Variants in MAP7 observed in about 807,000 individuals in gnomAD.
MAP7 encodes ensconsin.
In MAP7, 52 loss-of-function variants were observed where a neutral mutation model predicts 94.8. The observed-to-expected ratio is 0.55, with a 90% CI of 0.44 to 0.69. The LOEUF is 0.69. Ranked by LOEUF, MAP7 falls within the 30% of genes least tolerant of loss-of-function variation. The pLI, the probability that MAP7 is intolerant of heterozygous loss-of-function variation, is 0.00. For missense variants in MAP7, 940 were observed against 964.6 expected, an observed-to-expected ratio of 0.97 and a Z score of 0.34; for synonymous variants, 350 against 357.0, an observed-to-expected ratio of 0.98 and a Z score of 0.22.
chr6:136,465,255 C>T (rs566837257), intron 1 of MAP7, among the ~76,000 whole-genome samples: 1 of 152,200 alleles, frequency 6.6e-6, no homozygotes, highest in Non-Finnish European at 1.5e-5. Context: ...AGCCACTTAT[C>T]TAGGAGTTTT....
intron 6 of MAP7, among the ~76,000 whole-genome samples, chr6:136,382,253 T>C (rs1459566642): frequency 6.6e-6 from 1 of 152,198 alleles, no homozygotes; most frequent in African/African-American, 2.4e-5. Flanking sequence ...GCCAAGTTTG[T>C]TGTCTAGCTC....
At chr6:136,441,045 A>G (rs1183635643) in intron 1 of MAP7, among the ~76,000 whole-genome samples, 1 of 152,236 alleles carries the variant, frequency 6.6e-6, no homozygotes, top group South Asian at 2.1e-4. Context: ...AAAGCTCAAT[A>G]CCATTCCATT....
At chr6:136,431,529 A>T (rs12191845) in intron 1 of MAP7, among the ~76,000 whole-genome samples, 1 of 34,010 alleles carries the variant, frequency 2.9e-5, no homozygotes, top group African/African-American at 9.9e-5. Flanking sequence ...TATTTATTTA[A>T]TTTTTTGAGA....
At chr6:136,442,232 G>A (rs1382903160) in intron 1 of MAP7, among the ~76,000 whole-genome samples, 1 of 150,596 alleles carries the variant, frequency 6.6e-6, no homozygotes, top group Non-Finnish European at 1.5e-5. Flanking sequence ...GTGAAACCCC[G>A]TCACTACTAA....
intron 1 of MAP7, among the ~76,000 whole-genome samples, chr6:136,465,355 CTA>C (rs1806644965): frequency 6.6e-6 from 1 of 152,182 alleles, no homozygotes; most frequent in African/African-American, 2.4e-5. Flanking sequence ...TGAGTAACCT[CTA>C]TTTCATCTGA....
chr6:136,494,160 T>C (rs1817539331), intron 1 of MAP7, among the ~76,000 whole-genome samples: 1 of 152,220 alleles, frequency 6.6e-6, no homozygotes. Context: ...TGCTGAGTTG[T>C]GTGCCTTCAG....
rs1450888633 is a variant in MAP7 at position 136,397,288 on chromosome 6, C to CA, written c.245-7772dup. ...AATACTTTAATACCCGGCCCTTCCA[C>CA]AAAAAGTTTTTTTTTAAAGGGAAAA... On this transcript the variant is annotated intron_variant, in intron 3 of 17. Coordinates refer to ENST00000354570, the MANE Select transcript of MAP7 (RefSeq NM_003980.6). 4.7e-5 allele frequency among the ~76,000 whole-genome samples: 7 copies of CA among 150,490 alleles called. No homozygotes were observed. The East Asian group carries it at 1.2e-3, about 25-fold the overall frequency.
At chr6:136,368,403 G>C (rs1015526620) in intron 8 of MAP7, among the ~76,000 whole-genome samples, 2 of 152,084 alleles carry the variant, frequency 1.3e-5, no homozygotes, top group African/African-American at 4.8e-5. Context: ...AATGGTCTGG[G>C]CAACATATCA....
chr6:136,526,005 A>G lies in MAP7; in HGVS notation c.67+24337T>C, dbSNP rs538016998. ...TTTTTTTTTTTTTAATTGTGATTATATTAAAAATATATGCTTATGTAATTG... is the reference window on the plus strand; with the variant it reads ...TTTTTTTTTTTTTAATTGTGATTATGTTAAAAATATATGCTTATGTAATTG... On this transcript the variant is annotated intron_variant, in intron 1 of 17. Transcript: ENST00000354570. 1.8e-5 allele frequency: 27 copies of G among 1,485,344 alleles called. No homozygotes were observed. The Admixed American group carries it at 6.4e-4, about 35-fold the overall frequency. 92.0% of individuals were successfully genotyped at this position (1,485,344 alleles called of 1,614,324 possible).
At chr6:136,480,866 A>T (rs891516083) in intron 1 of MAP7, among the ~76,000 whole-genome samples, 1 of 152,108 alleles carries the variant, frequency 6.6e-6, no homozygotes, top group African/African-American at 2.4e-5. Flanking sequence ...TTTGCAAACT[A>T]TCTATTTGAC....
chr6:136,518,427 T>C (rs1472153789), intron 1 of MAP7, among the ~76,000 whole-genome samples: 3 of 152,186 alleles, frequency 2.0e-5, no homozygotes. Flanking sequence ...TGTCAAATAA[T>C]GCTCTGGTAA....
intron 1 of MAP7, among the ~76,000 whole-genome samples, chr6:136,492,432 A>G (rs1816902553): frequency 6.6e-6 from 1 of 152,244 alleles, no homozygotes; most frequent in Non-Finnish European, 1.5e-5. Context: ...ATGAATGAAA[A>G]GGAAAACTTT....
At chr6:136,411,338 C>T (rs1331528693) in intron 3 of MAP7, among the ~76,000 whole-genome samples, 2 of 152,142 alleles carry the variant, frequency 1.3e-5, no homozygotes, top group Admixed American at 1.3e-4. Flanking sequence ...GTTTACTGTC[C>T]TCGCATTTTC....
intron 1 of MAP7, among the ~76,000 whole-genome samples, chr6:136,546,054 C>T (rs1232954713): frequency 6.6e-6 from 1 of 152,082 alleles, no homozygotes; most frequent in Non-Finnish European, 1.5e-5. Context: ...GCTCTGTCAC[C>T]CAGGCTGGAG....
rs767747756 is a variant in MAP7 at position 136,460,037 on chromosome 6, A to ACCCACTTTTGAAT, written c.68-38251_68-38239dup. On this transcript the variant is annotated intron_variant, in intron 1 of 17. Coordinates refer to ENST00000354570, the MANE Select transcript of MAP7 (RefSeq NM_003980.6). ...GACTCCACAATCCCACTTTTGAGGCACCCACTTTTGAATCCCACTTTTGAA... is the reference window on the plus strand; with the variant it reads ...GACTCCACAATCCCACTTTTGAGGCACCCACTTTTGAATCCCACTTTTGAATCCCACTTTTGAA... Among the ~76,000 whole-genome samples the ACCCACTTTTGAAT allele has an allele frequency of 1.1e-3, 169 of 152,166 alleles. 1 individual carries two copies. Among genetic ancestry groups the ACCCACTTTTGAAT allele is most frequent in the Non-Finnish European group, 1.9e-3 (127 of 68,010 alleles).
intron 1 of MAP7, among the ~76,000 whole-genome samples, chr6:136,505,907 T>C (rs942482624): frequency 1.3e-5 from 2 of 152,192 alleles, no homozygotes; most frequent in African/African-American, 4.8e-5. Context: ...CCATTAGACA[T>C]TGCCTGTGAA....
chr6:136,540,197 T>C (rs935875225), intron 1 of MAP7, among the ~76,000 whole-genome samples: 1 of 152,082 alleles, frequency 6.6e-6, no homozygotes, highest in African/African-American at 2.4e-5. Flanking sequence ...GGTATTAGCA[T>C]CTGGTCACAC....
At chr6:136,538,727 G>A (rs1165312142) in intron 1 of MAP7, among the ~76,000 whole-genome samples, 1 of 147,718 alleles carries the variant, frequency 6.8e-6, no homozygotes, top group Non-Finnish European at 1.5e-5. Flanking sequence ...AGATGTCAAA[G>A]CTGCAGTGAG....
At chr6:136,404,013 T>A (rs958356435) in intron 3 of MAP7, among the ~76,000 whole-genome samples, 4 of 152,328 alleles carry the variant, frequency 2.6e-5, no homozygotes, top group Middle Eastern at 3.4e-3. Flanking sequence ...CATTAGATAT[T>A]TGGATTAGAA....
Sources: gnomAD v4.1 joint callset for allele counts (sites outside exome capture counted in the v4.1 genomes callset) on GRCh38, gnomAD v4.1.1 for gene constraint, MANE v1.5 for transcripts, NCBI Gene and HGNC (gene_info 2026-07-23, HGNC 2026-07-21) for gene names.